CMIP: variants seen among roughly 807,000 people sequenced by gnomAD.
CMIP encodes the protein c-Maf inducing protein.
A neutral mutation model predicts 97.3 loss-of-function variants in CMIP; 13 were observed. That is an observed-to-expected ratio of 0.13 (90% confidence interval 0.09 to 0.21). The LOEUF is 0.21. CMIP is among the 10% of genes least tolerant of loss of function. The pLI, the probability that CMIP is intolerant of heterozygous loss-of-function variation, is 1.00. For missense variants in CMIP, 847 were observed against 1,024.9 expected, an observed-to-expected ratio of 0.83 and a Z score of 2.37; for synonymous variants, 538 against 436.3, an observed-to-expected ratio of 1.23 and a Z score of -2.91.
chr16:81,648,021 G>T (rs1178372091), intron 3 of CMIP, among the ~76,000 whole-genome samples: 4 of 105,420 alleles, frequency 3.8e-5, no homozygotes. Context: ...CCCCGCACCC[G>T]CAGAGCCGTA....
intron 9 of CMIP, among the ~76,000 whole-genome samples, chr16:81,673,928 C>T (rs1266041753): frequency 6.6e-6 from 1 of 152,156 alleles, no homozygotes; most frequent in Admixed American, 6.5e-5. Flanking sequence ...TCAGTCTTTT[C>T]TCAAAATGAA....
At chr16:81,702,504 T>A in intron 16 of CMIP, 118 bp from the exon 17 acceptor site, 1 of 1,056,518 alleles carries the variant, frequency 9.5e-7, no homozygotes, top group Non-Finnish European at 1.4e-6. Context: ...GACCACCGTG[T>A]TGCCTTGTAC....
chr16:81,449,768 G>T (rs1235729366), intron 1 of CMIP, among the ~76,000 whole-genome samples: 1 of 152,100 alleles, frequency 6.6e-6, no homozygotes, highest in African/African-American at 2.4e-5. Flanking sequence ...GTGGAGGGGA[G>T]GGGCTGAGAC....
At chr16:81,449,242 A>T (rs1250051856) in intron 1 of CMIP, among the ~76,000 whole-genome samples, 1 of 152,196 alleles carries the variant, frequency 6.6e-6, no homozygotes, top group Admixed American at 6.5e-5. Flanking sequence ...AGGTGACAGT[A>T]GTGTTCTTTA....
chr16:81,648,277 G>T (rs2092388643), intron 3 of CMIP, among the ~76,000 whole-genome samples: 1 of 151,850 alleles, frequency 6.6e-6, no homozygotes, highest in South Asian at 2.1e-4. Context: ...CTAGCTGCTT[G>T]ACTCTGGGCA....
rs569125957 is a variant in CMIP at position 81,578,792 on chromosome 16, G to T, written c.301-28775G>T. 4.3e-4 allele frequency among the ~76,000 whole-genome samples: 66 copies of T among 152,336 alleles called. 1 individual carries two copies. The South Asian group carries it at 0.013, about 30-fold the overall frequency. On this transcript the variant is annotated intron_variant, in intron 1 of 20. Coordinates refer to ENST00000537098, the MANE Select transcript of CMIP (RefSeq NM_198390.3). ...ACACCTGCTCCCTTCCTGCACTGGC[G>T]TCGGAAAAGTTCCATGGCAGATAAG...
intron 20 of CMIP, among the ~76,000 whole-genome samples, chr16:81,709,111 G>C (rs562539727): frequency 3.7e-4 from 57 of 152,250 alleles, no homozygotes; most frequent in Non-Finnish European, 7.8e-4. Flanking sequence ...ACAATGGAGA[G>C]ACATAGCAGG....
intron 1 of CMIP, among the ~76,000 whole-genome samples, chr16:81,457,405 C>T (rs1446336763): frequency 6.6e-6 from 1 of 152,148 alleles, no homozygotes; most frequent in South Asian, 2.1e-4. Context: ...AGAATCCCAC[C>T]ACCTGGAAAT....
At chr16:81,496,806 G>T (rs1038521121) in intron 1 of CMIP, among the ~76,000 whole-genome samples, 1 of 152,248 alleles carries the variant, frequency 6.6e-6, no homozygotes, top group Non-Finnish European at 1.5e-5. Context: ...CAATTAAAAT[G>T]AGCAGAGTCT....
chr16:81,522,000 G>A (rs189897785), intron 1 of CMIP, among the ~76,000 whole-genome samples: 316 of 152,296 alleles, frequency 2.1e-3, no homozygotes, highest in Non-Finnish European at 3.6e-3. Context: ...GTATAAGCAG[G>A]ATTTCAGAGG....
At chr16:81,594,706 C>G (rs892121533) in intron 1 of CMIP, among the ~76,000 whole-genome samples, 1 of 151,736 alleles carries the variant, frequency 6.6e-6, no homozygotes. Flanking sequence ...CTCTGCCTCC[C>G]GGGTTCATGC....
intron 10 of CMIP, among the ~76,000 whole-genome samples, chr16:81,685,620 C>G (rs891423990): frequency 5.9e-5 from 9 of 152,032 alleles, no homozygotes; most frequent in African/African-American, 1.7e-4. Context: ...TTACAGGTCA[C>G]TGCAGCCTCG....
At chr16:81,587,342 A>T (rs1469990831) in intron 1 of CMIP, among the ~76,000 whole-genome samples, 2 of 152,226 alleles carry the variant, frequency 1.3e-5, no homozygotes, top group Non-Finnish European at 2.9e-5. Context: ...TATGTTTGGT[A>T]GGCAGAATTT....
intron 1 of CMIP, among the ~76,000 whole-genome samples, chr16:81,454,944 G>A (rs944469797): frequency 6.6e-6 from 1 of 152,212 alleles, no homozygotes; most frequent in Non-Finnish European, 1.5e-5. Context: ...TGAGCAAAGG[G>A]ACAGGCCAGA....
intron 13 of CMIP, among the ~76,000 whole-genome samples, chr16:81,693,692 G>C (rs1906374780): frequency 2.0e-5 from 3 of 152,194 alleles, no homozygotes; most frequent in Admixed American, 1.3e-4. Flanking sequence ...CGGCTCACCG[G>C]GGGTGGTTTT....
At chr16:81,489,061 G>T (rs931727511) in intron 1 of CMIP, among the ~76,000 whole-genome samples, 2 of 150,940 alleles carry the variant, frequency 1.3e-5, no homozygotes, top group African/African-American at 4.9e-5. Context: ...TCATTTTTCA[G>T]TTTGATTGTC....
intron 7 of CMIP, among the ~76,000 whole-genome samples, chr16:81,668,090 T>A (rs1220124230): frequency 6.6e-6 from 1 of 152,082 alleles, no homozygotes; most frequent in Non-Finnish European, 1.5e-5. Context: ...TCGGGGTCAG[T>A]TAGACCTGAG....
chr16:81,683,891 A>G (rs1299935103), intron 10 of CMIP, among the ~76,000 whole-genome samples: 1 of 143,928 alleles, frequency 6.9e-6, no homozygotes, highest in Non-Finnish European at 1.5e-5. Flanking sequence ...CCTCCCCAGT[A>G]GCTGGGATAC....
At position 81,621,942 on chromosome 16, in the gene CMIP, T is replaced by G. The variant is rs1347292083; in HGVS notation, c.477+1016T>G. On this transcript the variant is annotated intron_variant, in intron 3 of 20. Coordinates refer to ENST00000537098, the MANE Select transcript of CMIP (RefSeq NM_198390.3). This position sits in a 1 kb window ranked among gnomAD's most constrained non-coding sequence, Gnocchi z 4.1. ...GTCAGCTACTGGTCCTCTTGCTTTG[T>G]GCTGTGGGGCCAAGTCTCAGAAGCT... 1 of 152,282 alleles carries G rather than the reference T, an allele frequency of 6.6e-6. No homozygotes were observed. Among genetic ancestry groups the G allele is most frequent in the Non-Finnish European group, 1.5e-5 (1 of 68,078 alleles). 9.4% of individuals were successfully genotyped at this position (152,282 alleles called of 1,614,324 possible). A position where few individuals can be genotyped will look rare whatever the true frequency, so the allele number is the denominator to read the frequency against.
Sources: gnomAD v4.1 joint callset for allele counts (sites outside exome capture counted in the v4.1 genomes callset) on GRCh38, gnomAD v4.1.1 for gene constraint, Gnocchi (gnomAD v3.1) non-coding constraint, MANE v1.5 for transcripts, NCBI Gene and HGNC (gene_info 2026-07-23, HGNC 2026-07-21) for gene names.